Variants in DST observed in about 807,000 individuals in gnomAD.
DST encodes the protein dystonin.
DST carries 253 observed loss-of-function variants against 875.2 expected under a neutral mutation model. The ratio of observed to expected loss-of-function variants is 0.29; its 90% CI spans 0.26 to 0.32. DST has a LOEUF of 0.32. DST is among the 10% of genes least tolerant of loss of function. The pLI, the probability that DST is intolerant of heterozygous loss-of-function variation, is 1.00. For missense variants in DST, 8,287 were observed against 9,111.6 expected (o/e 0.91, Z 3.68); for synonymous variants, 3,124 against 3,197.1 (o/e 0.98, Z 0.77).
In DST at chr6:56,642,013, T is replaced by G; in HGVS notation, c.1961A>C (p.Gln654Pro). The G allele has an allele frequency of 6.2e-7, 1 of 1,613,504 alleles. No individual in the cohort carries two copies. The highest frequency in any genetic ancestry group is 8.5e-7 in the Non-Finnish European group (1 of 1,179,598). Residue 654 changes from glutamine (Q) to proline (P), a missense_variant, in exon 17 of 104, where the codon CAG becomes CCG. Transcript: ENST00000680361. ...YILECENLLR[Q>P]HVIDVQILID... Reference sequence around the variant, plus strand: ...AAGAATCTGTACATCAATTACATGCTGGCGTAAAAGGTTCTCACATTCAAG... The same window carrying G: ...AAGAATCTGTACATCAATTACATGCGGGCGTAAAAGGTTCTCACATTCAAG...
chr6:56,588,304 GAC>G (rs2098202219), intron 49 of DST, among the ~76,000 whole-genome samples: 1 of 152,026 alleles, frequency 6.6e-6, no homozygotes, highest in South Asian at 2.1e-4. Context: ...ATTCATGCTG[GAC>G]CCAATGTCTT....
At chr6:56,923,903 C>T (rs913084214) in intron 2 of DST, among the ~76,000 whole-genome samples, 7 of 152,134 alleles carry the variant, frequency 4.6e-5, no homozygotes, top group African/African-American at 1.7e-4. Context: ...GCGGGAGGAT[C>T]ACTTTAGGTC....
chr6:56,756,836 T>C (rs1356288729), intron 4 of DST, among the ~76,000 whole-genome samples: 1 of 152,192 alleles, frequency 6.6e-6, no homozygotes, highest in Non-Finnish European at 1.5e-5. Context: ...TTCTCTGCAT[T>C]TCCAAGTTCA....
At chr6:56,682,586 A>G (rs2152844309) in intron 9 of DST, among the ~76,000 whole-genome samples, 1 of 152,216 alleles carries the variant, frequency 6.6e-6, no homozygotes, top group East Asian at 1.9e-4. Context: ...AATAACTGGA[A>G]CTAAAAGAAG....
chr6:56,571,808 A>G (rs2097785569), intron 53 of DST, among the ~76,000 whole-genome samples: 1 of 152,222 alleles, frequency 6.6e-6, no homozygotes, highest in African/African-American at 2.4e-5. Context: ...GGCTTCAGAG[A>G]CTACAGCAAG....
intron 4 of DST, among the ~76,000 whole-genome samples, chr6:56,823,827 A>G (rs2099775972): frequency 6.6e-6 from 1 of 152,240 alleles, no homozygotes; most frequent in Non-Finnish European, 1.5e-5. Flanking sequence ...ATCTAGAGTT[A>G]GCTTGGTTAA....
At chr6:56,841,234 T>C (rs904664569) in intron 4 of DST, among the ~76,000 whole-genome samples, 7 of 152,194 alleles carry the variant, frequency 4.6e-5, no homozygotes, top group Non-Finnish European at 2.9e-5. Flanking sequence ...ACAATGAGTT[T>C]TCCAGGTCTC....
chr6:56,876,803 C>A (rs972642075), intron 3 of DST, among the ~76,000 whole-genome samples: 3 of 152,184 alleles, frequency 2.0e-5, no homozygotes, highest in Admixed American at 6.5e-5. Flanking sequence ...TCTACTCTTA[C>A]CCTCACCTGC....
intron 9 of DST, among the ~76,000 whole-genome samples, chr6:56,694,346 A>G (rs2099250783): frequency 6.6e-6 from 1 of 152,160 alleles, no homozygotes; most frequent in African/African-American, 2.4e-5. Context: ...GGAACTCATT[A>G]TATTTTACTA....
intron 5 of DST, among the ~76,000 whole-genome samples, chr6:56,710,994 G>C (rs962227574): frequency 3.0e-4 from 46 of 151,118 alleles, no homozygotes; most frequent in African/African-American, 1.1e-3. Flanking sequence ...AGGTATTAAT[G>C]GATAAAATAA....
intron 4 of DST, among the ~76,000 whole-genome samples, chr6:56,822,142 T>C (rs1591172011): frequency 6.6e-6 from 1 of 152,204 alleles, no homozygotes; most frequent in African/African-American, 2.4e-5. Flanking sequence ...CTGAGCATGA[T>C]ACTGACAGAG....
At chr6:56,864,190 A>G (rs1031074729) in intron 3 of DST, 2 of 152,208 alleles carry the variant, frequency 1.3e-5, no homozygotes, top group Admixed American at 1.3e-4. Context: ...CTGAGTTTCC[A>G]GCCTGATACC....
chr6:56,779,660 G>A (rs1412338925), intron 4 of DST, among the ~76,000 whole-genome samples: 5 of 150,206 alleles, frequency 3.3e-5, no homozygotes, highest in Admixed American at 6.6e-5. Context: ...CCCATTTCTT[G>A]TTTTTGTCAG....
chr6:56,552,730 T>C lies in DST; in HGVS notation c.16062A>G (p.Leu5354=), dbSNP rs769926195. 6.2e-7 allele frequency: 1 copy of C among 1,612,096 alleles called. No individual in the cohort carries two copies. Among genetic ancestry groups the C allele is most frequent in the South Asian group, 1.1e-5 (1 of 91,088 alleles). ...SDSKGTSDVL[L]QVETIAQEHS... is the part of the protein sequence containing the mutation. ...GCTCTTGAGCTATGGTTTCCACTTG[T>C]AATAAAACATCAGAGGTTCCCTTTG... Residue 5354 remains leucine, a synonymous_variant, in exon 61 of 104, where the codon TTA becomes TTG. Coordinates refer to ENST00000680361, the MANE Select transcript of DST (RefSeq NM_001374736.1).
rs570181172 is a variant in DST at position 56,574,656 on chromosome 6, A to C, written c.13028-769T>G. On this transcript the variant is annotated intron_variant, in intron 50 of 103. Transcript: ENST00000680361. The stretch of plus-strand genomic sequence containing the variant: ...AAGATTCAAGATGCTAAAAAAAAAA[A>C]CCCTTTCTCGTCCAGTTTTCACTTG... Among the ~76,000 whole-genome samples the C allele has an allele frequency of 3.9e-4, 59 of 152,060 alleles. 1 individual carries two copies. Among genetic ancestry groups the C allele is most frequent in the African/African-American group, 1.3e-3 (56 of 41,510 alleles).
Position 56,494,100 on chromosome 6 carries a change from G to C in DST, c.20304C>G (p.Cys6768Trp). ...MQKGQQMLAR[C>W]PKSAETNIDQ... ...CAATATTTGTCTCTGCAGATTTTGGGCATCTTGCAAGCATCTGCTGGCCTT... is the reference window on the plus strand; with the variant it reads ...CAATATTTGTCTCTGCAGATTTTGGCCATCTTGCAAGCATCTGCTGGCCTT... The change falls in exon 83 of 104, where the codon TGC (cysteine) becomes TGG (tryptophan). Residue 6768 changes from cysteine to tryptophan, a missense_variant. By Grantham distance (215) the Cys-to-Trp change is radical. This residue lies in a region of DST where 1,292 missense variants were observed against 1,552.7 expected (regional missense o/e 0.83). Coordinates refer to ENST00000680361, the MANE Select transcript of DST (RefSeq NM_001374736.1). 2 of 1,610,202 alleles carry C rather than the reference G, an allele frequency of 1.2e-6. No homozygotes were observed. The highest frequency in any genetic ancestry group is 1.7e-6 in the Non-Finnish European group (2 of 1,177,640).
intron 4 of DST, among the ~76,000 whole-genome samples, chr6:56,757,641 G>A (rs2099607362): frequency 6.6e-6 from 1 of 152,184 alleles, no homozygotes; most frequent in African/African-American, 2.4e-5. Flanking sequence ...TTATATGGCA[G>A]CTTCTAGAAA....
At chr6:56,616,846 C>G in intron 36 of DST, 1 of 1,614,078 alleles carries the variant, frequency 6.2e-7, no homozygotes, top group Non-Finnish European at 8.5e-7. Flanking sequence ...CCTCAAGAAG[C>G]CTAATTCTGA....
chr6:56,728,518 T>C (rs1472431905), intron 5 of DST, among the ~76,000 whole-genome samples: 1 of 151,920 alleles, frequency 6.6e-6, no homozygotes, highest in Non-Finnish European at 1.5e-5. Flanking sequence ...TATTAAAAAA[T>C]ACTAAAAATT....
Sources: gnomAD v4.1 joint callset for allele counts (sites outside exome capture counted in the v4.1 genomes callset) on GRCh38, gnomAD v4.1.1 for gene constraint, gnomAD v4.1.1 regional missense constraint, MANE v1.5 for transcripts, NCBI Gene and HGNC (gene_info 2026-07-23, HGNC 2026-07-21) for gene names.